TRIM71: variants seen among roughly 807,000 people sequenced by gnomAD.
The protein encoded by TRIM71 is E3 ubiquitin-protein ligase TRIM71.
Under a neutral mutation model 61.2 loss-of-function variants are expected in TRIM71, and 9 were observed. The observed-to-expected ratio is 0.15, with a 90% CI of 0.09 to 0.26. The LOEUF (loss-of-function observed/expected upper bound fraction) is 0.26. Among genes scored for constraint, TRIM71 ranks in the 10% least tolerant of loss-of-function variants. TRIM71 has a pLI of 1.00. For synonymous variants in TRIM71, 645 were observed against 553.2 expected, an observed-to-expected ratio of 1.17 and a Z score of -2.33; for missense variants, 998 against 1,238.7, an observed-to-expected ratio of 0.81 and a Z score of 2.92.
At chr3:32,860,681 C>A (rs1324009248) in intron 1 of TRIM71, among the ~76,000 whole-genome samples, 2 of 152,162 alleles carry the variant, frequency 1.3e-5, no homozygotes, top group Non-Finnish European at 2.9e-5. Flanking sequence ...GTGGGGCCCA[C>A]CTTCCTCAGG....
At chr3:32,846,004 G>A (rs1696469720) in intron 1 of TRIM71, among the ~76,000 whole-genome samples, 3 of 150,080 alleles carry the variant, frequency 2.0e-5, no homozygotes, top group Admixed American at 6.7e-5. Flanking sequence ...CGGAGTTGGA[G>A]ACTATGGCTC....
At chr3:32,834,778 GT>G (rs1206057794) in intron 1 of TRIM71, among the ~76,000 whole-genome samples, 1 of 152,096 alleles carries the variant, frequency 6.6e-6, no homozygotes, top group Non-Finnish European at 1.5e-5. Flanking sequence ...GGAGGTGGAG[GT>G]TGCAGTGAGC....
At chr3:32,844,183 C>G (rs536336749) in intron 1 of TRIM71, among the ~76,000 whole-genome samples, 2 of 152,028 alleles carry the variant, frequency 1.3e-5, no homozygotes, top group Non-Finnish European at 2.9e-5. Flanking sequence ...GGCTCCCTAC[C>G]CCATGGAGAT....
intron 1 of TRIM71, among the ~76,000 whole-genome samples, chr3:32,833,049 C>T (rs937549572): frequency 6.6e-6 from 1 of 151,856 alleles, no homozygotes; most frequent in Non-Finnish European, 1.5e-5. Context: ...GTGTTACGAA[C>T]CTGTCATCCC....
intron 1 of TRIM71, among the ~76,000 whole-genome samples, chr3:32,844,298 C>T (rs1455660990): frequency 6.6e-6 from 1 of 152,140 alleles, no homozygotes; most frequent in Admixed American, 6.6e-5. Context: ...TTAAATGTTG[C>T]CCTAGGAGGA....
chr3:32,818,565 C>G lies in TRIM71; in HGVS notation c.485C>G (p.Ala162Gly), dbSNP rs961347389. ...CACCACGCGCACCCGCGCGCGTCCGCCTCCGCGCCGCCACTCCCGCAGGCG... is the reference window on the plus strand; with the variant it reads ...CACCACGCGCACCCGCGCGCGTCCGGCTCCGCGCCGCCACTCCCGCAGGCG... ...HAHHAHPRAS[A>G]SAPPLPQAPQ... The change falls in exon 1 of 4, where the codon GCC becomes GGC. Residue 162 changes from alanine to glycine, a missense_variant. By Grantham distance (60) the Ala-to-Gly change is moderately conservative. Transcript: ENST00000383763. 3 of 1,267,944 alleles carry G rather than the reference C, an allele frequency of 2.4e-6. No individual in the cohort carries two copies. The highest frequency in any genetic ancestry group is 6.6e-5 in the East Asian group (2 of 30,416). The allele number at this position is 1,267,944 out of a possible 1,614,324, so 78.5% of individuals were successfully genotyped here. A position where few individuals can be genotyped will look rare whatever the true frequency, so the allele number is the denominator to read the frequency against.
chr3:32,836,809 C>T (rs1216083349), intron 1 of TRIM71, among the ~76,000 whole-genome samples: 1 of 152,108 alleles, frequency 6.6e-6, no homozygotes, highest in Non-Finnish European at 1.5e-5. Flanking sequence ...AGTGTTCATG[C>T]TTCGTGGCCA....
chr3:32,863,463 G>A (rs1391839665), intron 1 of TRIM71, among the ~76,000 whole-genome samples: 3 of 151,860 alleles, frequency 2.0e-5, no homozygotes, highest in Admixed American at 6.6e-5. Context: ...ATCAATCCTC[G>A]CATCAAGATA....
intron 1 of TRIM71, among the ~76,000 whole-genome samples, chr3:32,864,881 TGTGTG>T (rs1368661719): frequency 3.1e-4 from 26 of 83,804 alleles, no homozygotes; most frequent in Admixed American, 8.5e-4. Context: ...TGTGTGTGTG[TGTGTG>T]TGTGTGTTCA....
chr3:32,824,357 C>CT (rs1229852096), intron 1 of TRIM71, among the ~76,000 whole-genome samples: 191 of 141,648 alleles, frequency 1.3e-3, no homozygotes, highest in African/African-American at 1.8e-3. Flanking sequence ...TTTTTTCTTT[C>CT]TTTTTTTTTT....
intron 1 of TRIM71, among the ~76,000 whole-genome samples, chr3:32,832,100 T>TGGG (rs145536276): frequency 4.0e-5 from 6 of 151,692 alleles, no homozygotes; most frequent in Admixed American, 3.9e-4. Flanking sequence ...TGAATTGTGG[T>TGGG]GGGGGGGGAT....
intron 1 of TRIM71, among the ~76,000 whole-genome samples, chr3:32,823,194 T>C (rs1278682134): frequency 6.6e-6 from 1 of 152,206 alleles, no homozygotes; most frequent in Non-Finnish European, 1.5e-5. Context: ...GATAAAAATA[T>C]ATGGGAGGGA....
At chr3:32,880,299 G>C (rs914441325) in intron 2 of TRIM71, among the ~76,000 whole-genome samples, 2 of 152,054 alleles carry the variant, frequency 1.3e-5, no homozygotes, top group Non-Finnish European at 2.9e-5. Flanking sequence ...AAAATGCTGG[G>C]ATTACAGGCT....
chr3:32,883,840 A>T (rs1696933522), intron 2 of TRIM71, among the ~76,000 whole-genome samples: 1 of 152,222 alleles, frequency 6.6e-6, no homozygotes, highest in African/African-American at 2.4e-5. Flanking sequence ...TCCTGCTTTG[A>T]TATGTAATGG....
intron 1 of TRIM71, among the ~76,000 whole-genome samples, chr3:32,819,265 G>A (rs1405155246): frequency 3.2e-4 from 3 of 9,424 alleles, no homozygotes; most frequent in Admixed American, 2.6e-3. Flanking sequence ...TTGTGTAGAC[G>A]TGGCCTGCTC....
At position 32,889,977 on chromosome 3, in the gene TRIM71, AC is replaced by A. The variant is rs527988102; in HGVS notation, c.1156-379del. ...GGCATATTGGAAACACAATGCCTTT[AC>A]CCCTAATCACATTACAATTACAGAA... On this transcript the variant is annotated intron_variant, in intron 3 of 3. Coordinates refer to ENST00000383763, the MANE Select transcript of TRIM71 (RefSeq NM_001039111.3). Among the ~76,000 whole-genome samples, 440 of 152,126 alleles carry A rather than the reference AC, an allele frequency of 2.9e-3. 1 individual carries two copies. Among genetic ancestry groups the A allele is most frequent in the Middle Eastern group, 0.014 (4 of 294 alleles).
intron 2 of TRIM71, among the ~76,000 whole-genome samples, chr3:32,885,508 C>T (rs577412643): frequency 2.0e-5 from 3 of 152,170 alleles, no homozygotes; most frequent in East Asian, 3.8e-4. Context: ...CACACCCTCA[C>T]GTAAGGGATG....
intron 1 of TRIM71, among the ~76,000 whole-genome samples, chr3:32,858,128 G>A (rs1217379447): frequency 1.3e-5 from 2 of 152,166 alleles, no homozygotes; most frequent in East Asian, 1.9e-4. Flanking sequence ...GGTGGCAGAG[G>A]TAGAAGAAAA....
rs56188838 is a variant in TRIM71, at chr3:32,841,542, C to T, written c.852+22610C>T. Among the ~76,000 whole-genome samples the T allele has an allele frequency of 5.1e-3, 781 of 152,148 alleles. 5 individuals are homozygous for T. The highest frequency in any genetic ancestry group is 8.6e-3 in the Non-Finnish European group (587 of 68,002). ...TACAAAAGTTAGCTGGGCGTGGTGGCGTGTGCAGTGAAGCAAGATTACGCC... is the reference window on the plus strand; with the variant it reads ...TACAAAAGTTAGCTGGGCGTGGTGGTGTGTGCAGTGAAGCAAGATTACGCC... On this transcript the variant is annotated intron_variant, in intron 1 of 3. Coordinates refer to ENST00000383763, the MANE Select transcript of TRIM71 (RefSeq NM_001039111.3).
Sources: allele counts gnomAD v4.1 joint callset (sites outside exome capture counted in the v4.1 genomes callset), GRCh38; gene constraint gnomAD v4.1.1; transcripts MANE v1.5; gene names NCBI Gene and HGNC (gene_info 2026-07-23, HGNC 2026-07-21).